GLRA2: variants seen among roughly 807,000 people sequenced by gnomAD.
The protein encoded by GLRA2 is glycine receptor subunit alpha-2.
In GLRA2, 11 loss-of-function variants were observed where a neutral mutation model predicts 31.6. The ratio of observed to expected loss-of-function variants is 0.35; its 90% confidence interval spans 0.22 to 0.58. GLRA2 has a LOEUF of 0.58. Ranked by LOEUF, GLRA2 falls within the 20% of genes least tolerant of loss-of-function variation. GLRA2 has a pLI of 0.84. For missense variants in GLRA2, 212 were observed against 351.8 expected, an observed-to-expected ratio of 0.60 and a Z score of 3.18; for synonymous variants, 132 against 134.0, an observed-to-expected ratio of 0.99 and a Z score of 0.10.
the GLRA2 span, among the ~76,000 whole-genome samples, chrX:14,508,781 T>C: frequency 8.9e-6 from 1 of 112,007 alleles, no homozygotes; most frequent in Non-Finnish European, 1.9e-5. Flanking sequence ...AATTATAGAA[T>C]ACCTCTAGAA....
chrX:14,641,574 T>A (rs772872394), intron 7 of GLRA2, among the ~76,000 whole-genome samples: 1 of 111,677 alleles, frequency 9.0e-6, no homozygotes, highest in South Asian at 3.8e-4. Context: ...CTCATAGTGT[T>A]GAGGAGATCA....
intron 3 of GLRA2, among the ~76,000 whole-genome samples, chrX:14,577,212 C>T (rs1232729219): frequency 1.8e-5 from 2 of 113,047 alleles, no homozygotes; most frequent in African/African-American, 3.2e-5. Flanking sequence ...ACCAATAAAG[C>T]TTTACTTACA....
At chrX:14,554,878 T>C (rs1399910016) in intron 2 of GLRA2, among the ~76,000 whole-genome samples, 1 of 112,022 alleles carries the variant, frequency 8.9e-6, no homozygotes, top group Non-Finnish European at 1.9e-5. Context: ...AAGGGATATT[T>C]TGTATTACTA....
the GLRA2 span, among the ~76,000 whole-genome samples, chrX:14,499,162 AT>A: frequency 1.8e-5 from 2 of 111,704 alleles, no homozygotes. Context: ...TAGCAGTTCT[AT>A]TTTTAGGTTT....
intron 8 of GLRA2, among the ~76,000 whole-genome samples, chrX:14,699,224 A>G (rs966431866): frequency 1.8e-5 from 2 of 111,932 alleles, no homozygotes; most frequent in Non-Finnish European, 3.8e-5. Context: ...ACTTCTCTAC[A>G]ATGCAGCCTC....
intron 2 of GLRA2, among the ~76,000 whole-genome samples, chrX:14,561,119 G>A (rs1398579723): frequency 8.9e-6 from 1 of 111,803 alleles, no homozygotes; most frequent in African/African-American, 3.3e-5. Flanking sequence ...GTGATAAATA[G>A]TGTTCTGATT....
At chrX:14,494,842 G>A in the GLRA2 span, among the ~76,000 whole-genome samples, 1 of 111,930 alleles carries the variant, frequency 8.9e-6, no homozygotes. Context: ...AGCAGTTCCA[G>A]TATTTGAAGA....
chrX:14,560,508 C>T (rs892610727), intron 2 of GLRA2, among the ~76,000 whole-genome samples: 7 of 111,553 alleles, frequency 6.3e-5, no homozygotes, highest in Admixed American at 1.9e-4. Context: ...CATCACAATG[C>T]TTTTCAAAAA....
chrX:14,692,763 T>A (rs1481142188), intron 8 of GLRA2, among the ~76,000 whole-genome samples: 1 of 112,074 alleles, frequency 8.9e-6, no homozygotes, highest in Non-Finnish European at 1.9e-5. Context: ...TTCCCAATTC[T>A]AAATAGTTGT....
At chrX:14,720,304 T>G (rs990650753) in intron 8 of GLRA2, among the ~76,000 whole-genome samples, 1 of 111,781 alleles carries the variant, frequency 8.9e-6, no homozygotes, top group Non-Finnish European at 1.9e-5. Context: ...CTCATAAACA[T>G]GTACAATTAT....
the GLRA2 span, among the ~76,000 whole-genome samples, chrX:14,478,573 TTTAAA>T: frequency 8.9e-6 from 1 of 112,165 alleles, no homozygotes; most frequent in South Asian, 3.7e-4. Flanking sequence ...CTGACAAGTG[TTTAAA>T]TTGAGAACCT....
At chrX:14,598,173 A>G (rs2090229567) in intron 4 of GLRA2, among the ~76,000 whole-genome samples, 1 of 111,791 alleles carries the variant, frequency 8.9e-6, no homozygotes, top group Non-Finnish European at 1.9e-5. Flanking sequence ...TGAAAGACAC[A>G]GAAACATCCT....
the GLRA2 span, among the ~76,000 whole-genome samples, chrX:14,450,977 G>A: frequency 9.0e-6 from 1 of 111,293 alleles, no homozygotes; most frequent in Non-Finnish European, 1.9e-5. Flanking sequence ...TAGGATTACA[G>A]GTGTGAGCCA....
At chrX:14,598,239 CA>C (rs1164332188) in intron 4 of GLRA2, among the ~76,000 whole-genome samples, 1 of 111,801 alleles carries the variant, frequency 8.9e-6, no homozygotes, top group South Asian at 3.8e-4. Flanking sequence ...ATTAACTCTC[CA>C]AAAATAGCAT....
At chrX:14,497,071 G>A in the GLRA2 span, among the ~76,000 whole-genome samples, 14 of 112,205 alleles carry the variant, frequency 1.2e-4, no homozygotes, top group East Asian at 5.6e-4. Flanking sequence ...AACACCATGC[G>A]TCTGATATTT....
the GLRA2 span, among the ~76,000 whole-genome samples, chrX:14,486,065 C>T: frequency 3.6e-5 from 4 of 110,981 alleles, no homozygotes; most frequent in Non-Finnish European, 7.6e-5. Flanking sequence ...CAGGACTGAA[C>T]AGACTAGTGG....
intron 7 of GLRA2, among the ~76,000 whole-genome samples, chrX:14,629,218 T>TAC (rs1278520163): frequency 9.0e-6 from 1 of 111,007 alleles, no homozygotes; most frequent in Non-Finnish European, 1.9e-5. Flanking sequence ...GGGCTTTGAG[T>TAC]ACAGCCTGGT....
At chrX:14,709,574 C>G (rs1454137677) in intron 8 of GLRA2, among the ~76,000 whole-genome samples, 3 of 112,041 alleles carry the variant, frequency 2.7e-5, no homozygotes, top group Non-Finnish European at 5.6e-5. Flanking sequence ...GCAAGAGTTG[C>G]GTATAAGAAG....
At chrX:14,637,922 CT>C (rs770748002) in intron 7 of GLRA2, among the ~76,000 whole-genome samples, 3 of 111,423 alleles carry the variant, frequency 2.7e-5, no homozygotes, top group African/African-American at 9.8e-5. Flanking sequence ...CAAACATGCT[CT>C]TTTTTTAAAC....
Sources: allele counts gnomAD v4.1 joint callset (sites outside exome capture counted in the v4.1 genomes callset), GRCh38; gene constraint gnomAD v4.1.1; transcripts MANE v1.5; gene names NCBI Gene and HGNC (gene_info 2026-07-23, HGNC 2026-07-21).